The following CEP85L variants were observed in gnomAD, a reference collection of about 807,000 sequenced individuals.
CEP85L encodes centrosomal protein of 85 kDa-like.
A neutral mutation model predicts 100.3 loss-of-function variants in CEP85L; 60 were observed. That is an observed-to-expected ratio of 0.60 (90% CI 0.49 to 0.74). The LOEUF is 0.74. Ranked by LOEUF, CEP85L falls within the 30% of genes least tolerant of loss-of-function variation. The pLI is 0.00. For synonymous variants in CEP85L, 319 were observed against 322.7 expected, an observed-to-expected ratio of 0.99 and a Z score of 0.12; for missense variants, 973 against 936.2, an observed-to-expected ratio of 1.04 and a Z score of -0.51.
At chr6:118,616,575 T>G (rs368764771) in intron 2 of CEP85L, among the ~76,000 whole-genome samples, 18 of 147,792 alleles carry the variant, frequency 1.2e-4, no homozygotes, top group African/African-American at 4.5e-4. Flanking sequence ...AGGGAACCTG[T>G]GCTCTGTGGC....
intron 1 of CEP85L, among the ~76,000 whole-genome samples, chr6:118,678,876 G>A (rs1198578299): frequency 2.0e-5 from 3 of 152,234 alleles, no homozygotes; most frequent in African/African-American, 7.2e-5. Flanking sequence ...AGGTTCCAGT[G>A]AGCCCAGATC....
intron 1 of CEP85L, among the ~76,000 whole-genome samples, chr6:118,706,656 T>G (rs974096084): frequency 3.9e-5 from 6 of 152,230 alleles, no homozygotes; most frequent in African/African-American, 1.4e-4. Flanking sequence ...ACTTCTCTTT[T>G]AACTTTCTTT....
Position 118,617,480 on chromosome 6 carries a change from G to GT in CEP85L, c.232+14972dup, listed in dbSNP as rs1424168867. Among the ~76,000 whole-genome samples, 5 of 152,118 alleles carry GT rather than the reference G, an allele frequency of 3.3e-5. No individual in the cohort carries two copies. In the East Asian group the frequency reaches 7.7e-4, roughly 23 times the overall value. ...CTGCAAGGCCATAAATCAGGTAAGC[G>GT]TAAGTCGCAATTTCAGTTTTTCTCA... is the stretch of plus-strand genomic sequence containing the variant. On this transcript the variant is annotated intron_variant, in intron 2 of 12. Coordinates refer to ENST00000368491, the MANE Select transcript of CEP85L (RefSeq NM_001042475.3).
chr6:118,667,771 C>T lies in CEP85L; in HGVS notation c.-27-14963G>A, dbSNP rs1776177667. On this transcript the variant is annotated intron_variant, in intron 1 of 13. Transcript: ENST00000368488. ...ATTACTCCCAGCCCAGTCCAATGCA[C>T]AGATCTCCCCCTTTCTATCTACTAC... is the stretch of plus-strand genomic sequence containing the variant. 2.0e-5 allele frequency among the ~76,000 whole-genome samples: 3 copies of T among 152,166 alleles called. No homozygotes were observed. The South Asian group carries it at 6.2e-4, about 31-fold the overall frequency.
chr6:118,648,472 T>A (rs916774501), intron 1 of CEP85L, among the ~76,000 whole-genome samples: 1 of 152,136 alleles, frequency 6.6e-6, no homozygotes, highest in African/African-American at 2.4e-5. Flanking sequence ...CCGGGCGCGG[T>A]GGCTCACGCC....
At chr6:118,538,546 T>A (rs1777731326) in intron 3 of CEP85L, among the ~76,000 whole-genome samples, 1 of 152,030 alleles carries the variant, frequency 6.6e-6, no homozygotes, top group Non-Finnish European at 1.5e-5. Context: ...CTCTTAAAAA[T>A]CAATCCAGTT....
chr6:118,600,374 G>A (rs571613343), intron 2 of CEP85L, among the ~76,000 whole-genome samples: 10 of 92,186 alleles, frequency 1.1e-4, no homozygotes, highest in Admixed American at 9.9e-4. Flanking sequence ...TGTGTGTAAC[G>A]CCATGGAGCA....
rs758655434 is a variant in CEP85L, at chr6:118,483,867, A to T, written c.1438-9T>A. On this transcript the variant is annotated splice_polypyrimidine_tract_variant and intron_variant, in intron 6 of 12. Coordinates refer to ENST00000368491, the MANE Select transcript of CEP85L (RefSeq NM_001042475.3). ...CGATCTCTAGTTTTAAGCTAAAAGC[A>T]AACAATTATGAACCTTCAGTAGTTT... 9.3e-6 allele frequency: 15 copies of T among 1,610,760 alleles called. No individual in the cohort carries two copies. The highest frequency in any genetic ancestry group is 1.2e-5 in the Non-Finnish European group (14 of 1,178,898).
intron 2 of CEP85L, among the ~76,000 whole-genome samples, chr6:118,575,538 C>T (rs923258513): frequency 2.0e-5 from 3 of 152,166 alleles, no homozygotes; most frequent in Admixed American, 6.5e-5. Flanking sequence ...CCCTTTAGAT[C>T]ACCTTCCCCC....
At chr6:118,552,169 C>A (rs1778586201) in intron 3 of CEP85L, among the ~76,000 whole-genome samples, 1 of 151,880 alleles carries the variant, frequency 6.6e-6, no homozygotes, top group Admixed American at 6.6e-5. Flanking sequence ...TAAAGTATTT[C>A]TTCAGTACTC....
intron 1 of CEP85L, among the ~76,000 whole-genome samples, chr6:118,709,556 T>TGTGTGTGTGTGTGTGTGA (rs751698371): frequency 4.6e-4 from 65 of 142,310 alleles, no homozygotes; most frequent in African/African-American, 1.4e-3. Context: ...TGTGTGTGTG[T>TGTGTGTGTGTGTGTGTGA]GAGAGAGAGA....
intron 5 of CEP85L, among the ~76,000 whole-genome samples, chr6:118,507,482 A>C (rs1370365858): frequency 6.6e-6 from 1 of 152,186 alleles, no homozygotes; most frequent in Non-Finnish European, 1.5e-5. Flanking sequence ...TTTGGAGGTG[A>C]AAGATGGCAC....
At chr6:118,674,283 T>TG (rs1776409625) in intron 1 of CEP85L, among the ~76,000 whole-genome samples, 1 of 152,228 alleles carries the variant, frequency 6.6e-6, no homozygotes, top group Non-Finnish European at 1.5e-5. Flanking sequence ...CCCAGCACTT[T>TG]GGGAGGCCAA....
chr6:118,628,525 T>C (rs1173594212), intron 2 of CEP85L, among the ~76,000 whole-genome samples: 2 of 147,366 alleles, frequency 1.4e-5, no homozygotes, highest in African/African-American at 2.5e-5. Flanking sequence ...CTGGTAAAAA[T>C]GGAACATAAT....
chr6:118,530,335 C>T lies in CEP85L; in HGVS notation c.1021-6415G>A, dbSNP rs185099893. ...ATCAAAAGAAAAATATTTTGTGCAACGAACTAGGCATTGAAGGAACATACT... is the reference window on the plus strand; with the variant it reads ...ATCAAAAGAAAAATATTTTGTGCAATGAACTAGGCATTGAAGGAACATACT... On this transcript the variant is annotated intron_variant, in intron 3 of 12. Coordinates refer to ENST00000368491, the MANE Select transcript of CEP85L (RefSeq NM_001042475.3). 2.2e-3 allele frequency among the ~76,000 whole-genome samples: 326 copies of T among 146,924 alleles called. 2 individuals carry two copies. Among genetic ancestry groups the T allele is most frequent in the Admixed American group, 0.011 (162 of 14,658 alleles).
intron 2 of CEP85L, among the ~76,000 whole-genome samples, chr6:118,586,549 A>C (rs1236963644): frequency 6.6e-6 from 1 of 152,162 alleles, no homozygotes; most frequent in Non-Finnish European, 1.5e-5. Flanking sequence ...TAAAAGGTAC[A>C]GGAATCGACC....
chr6:118,617,677 T>C (rs188570246), intron 2 of CEP85L, among the ~76,000 whole-genome samples: 14 of 152,288 alleles, frequency 9.2e-5, no homozygotes, highest in South Asian at 2.1e-4. Context: ...CTTTGTACTT[T>C]CGCTCTGCTC....
At chr6:118,624,683 T>C (rs779232657) in intron 2 of CEP85L, among the ~76,000 whole-genome samples, 4 of 152,092 alleles carry the variant, frequency 2.6e-5, no homozygotes, top group Non-Finnish European at 4.4e-5. Context: ...ACAATGGCCA[T>C]ACATATCACC....
At chr6:118,680,000 A>T (rs2115444943) in intron 1 of CEP85L, among the ~76,000 whole-genome samples, 1 of 152,028 alleles carries the variant, frequency 6.6e-6, no homozygotes, top group South Asian at 2.1e-4. Flanking sequence ...AAAAAAAAAA[A>T]GATGGCAGGG....
Sources: allele counts gnomAD v4.1 joint callset (sites outside exome capture counted in the v4.1 genomes callset), GRCh38; gene constraint gnomAD v4.1.1; transcripts MANE v1.5; gene names NCBI Gene and HGNC (gene_info 2026-07-23, HGNC 2026-07-21).